SELENON: variants seen among roughly 807,000 people sequenced by gnomAD.
The protein encoded by SELENON is selenoprotein N, also known as selenoprotein N, 1.
A neutral mutation model predicts 59.5 loss-of-function variants in SELENON; 44 were observed. The ratio of observed to expected loss-of-function variants is 0.74; its 90% CI spans 0.58 to 0.95. The LOEUF (loss-of-function observed/expected upper bound fraction) is 0.95. Ranked by LOEUF, SELENON falls within the 40% of genes least tolerant of loss-of-function variation. The probability of loss-of-function intolerance (pLI) is 0.00; values close to 1 mark genes in which losing one functional copy is unlikely to be tolerated. For synonymous variants in SELENON, 320 were observed against 305.6 expected, an observed-to-expected ratio of 1.05 and a Z score of -0.49; for missense variants, 674 against 721.4, an observed-to-expected ratio of 0.93 and a Z score of 0.75.
chr1:25,815,352 C>G (rs2048001227), intron 12 of SELENON, among the ~76,000 whole-genome samples, 196 bp from the exon 12 acceptor site: 1 of 152,046 alleles, frequency 6.6e-6, no homozygotes, highest in Non-Finnish European at 1.5e-5. Context: ...GGGAGGAGCC[C>G]CCTCGTCAGA....
In SELENON at chr1:25,809,205, G is replaced by A. The variant is rs183791679; in HGVS notation, c.872+55G>A. On this transcript the variant is annotated intron_variant, in intron 6 of 12. Coordinates refer to ENST00000361547, the MANE Select transcript of SELENON (RefSeq NM_020451.3). ...CACCGGGGAGGCATGACGGTACAGC[G>A]CCCAGAGGGGAGGGCCCAGCTTGAG... 8.0e-4 allele frequency: 1,295 copies of A among 1,611,022 alleles called. 10 individuals are homozygous for A. The highest frequency in any genetic ancestry group is 1.2e-3 in the South Asian group (106 of 90,878).
chr1:25,808,959 C>G (rs529684327), intron 5 of SELENON, 67 bp from the exon 5 acceptor site: 17 of 1,610,876 alleles, frequency 1.1e-5, no homozygotes, highest in Non-Finnish European at 1.4e-5. Context: ...CTGGGCTGAC[C>G]CCCACCCCAG....
At chr1:25,805,348 T>A (rs2047896977) in intron 4 of SELENON, 73 bp downstream of exon 3, 4 of 1,602,832 alleles carry the variant, frequency 2.5e-6, no homozygotes, top group Non-Finnish European at 3.4e-6. Context: ...CATTCATCCA[T>A]CTTTCCTCTG....
In SELENON at chr1:25,805,206, C is replaced by T. The variant is rs368675892; in HGVS notation, c.468C>T (p.Leu156=). The change falls in exon 4 of 13, where the codon CTC becomes CTT. Residue 156 remains leucine, a synonymous_variant. Coordinates refer to ENST00000361547, the MANE Select transcript of SELENON (RefSeq NM_020451.3). ...CCCCTGACCCTAGCGAGGAGACGCT[C>T]ACCATAGAAGCCCGATTCCAGCCTC... 7 of 1,614,034 alleles carry T rather than the reference C, an allele frequency of 4.3e-6. No individual in the cohort carries two copies. The highest frequency in any genetic ancestry group is 5.9e-6 in the Non-Finnish European group (7 of 1,180,036).
intron 7 of SELENON, among the ~76,000 whole-genome samples, chr1:25,810,797 C>A (rs535240843): frequency 6.6e-6 from 1 of 152,320 alleles, no homozygotes; most frequent in Admixed American, 6.5e-5. Context: ...ATCTGCTCAC[C>A]TAGGGCTGGG....
intron 3 of SELENON, among the ~76,000 whole-genome samples, chr1:25,802,640 G>A (rs1438407489): frequency 1.3e-5 from 2 of 152,376 alleles, no homozygotes; most frequent in East Asian, 3.9e-4. Context: ...ACAGGCGTGA[G>A]CCACTGTGCC....
At chr1:25,804,644 GCCCCC>G (rs1242099442) in intron 3 of SELENON, among the ~76,000 whole-genome samples, 19 of 61,286 alleles carry the variant, frequency 3.1e-4, no homozygotes, top group African/African-American at 9.1e-4. Flanking sequence ...TGCCCCCCCC[GCCCCC>G]CCCCCCCCGC....
In SELENON at chr1:25,803,767, G is replaced by C. The variant is rs190401096; in HGVS notation, c.404-1375G>C. Among the ~76,000 whole-genome samples, 428 of 149,660 alleles carry C rather than the reference G, an allele frequency of 2.9e-3. 2 individuals carry two copies. Among genetic ancestry groups the C allele is most frequent in the African/African-American group, 9.7e-3 (394 of 40,472 alleles). ...CTCTGTCACCCAGGCTGGAGTGCTC[G>C]GCTCACTGCAACCTCTGCCTCCCAG... is the stretch of plus-strand genomic sequence containing the variant. On this transcript the variant is annotated intron_variant, in intron 3 of 12. Coordinates refer to ENST00000361547, the MANE Select transcript of SELENON (RefSeq NM_020451.3).
chr1:25,802,877 T>TGTAA (rs1309145006), intron 3 of SELENON, among the ~76,000 whole-genome samples: 4 of 152,178 alleles, frequency 2.6e-5, no homozygotes, highest in Non-Finnish European at 5.9e-5. Flanking sequence ...GATTGCCTGG[T>TGTAA]GTAAGTCAGT....
chr1:25,809,081 G>A lies in SELENON; in HGVS notation c.803G>A (p.Arg268His), dbSNP rs2047935562. Residue 268 changes from arginine to histidine, a missense_variant, in exon 6 of 13, where the codon CGC becomes CAC. Arg to His is a conservative substitution (Grantham distance 29). Coordinates refer to ENST00000361547, the MANE Select transcript of SELENON (RefSeq NM_020451.3). The stretch of plus-strand genomic sequence containing the variant: ...CACCCTCGGCCCTTTGTGAAGACCC[G>A]CTTTGCCCCTCAGGGAGCTGTGGCC... The A allele has an allele frequency of 5.6e-6, 9 of 1,613,818 alleles. No individual in the cohort carries two copies. The highest frequency in any genetic ancestry group is 2.2e-5 in the East Asian group (1 of 44,884).
Position 25,815,570 on chromosome 1 carries a change from A to T in SELENON, c.1625A>T (p.Tyr542Phe), listed in dbSNP as rs2048003703. 6.2e-7 allele frequency: 1 copy of T among 1,613,946 alleles called. No individual in the cohort carries two copies. Among genetic ancestry groups the T allele is most frequent in the South Asian group, 1.1e-5 (1 of 91,088 alleles). ...CAGGTCCATCACATCAATGCCAACT[A>T]CTTCTTGGACATCACCTCCGTGAAG... The change falls in exon 13 of 13, where the codon TAC (tyrosine) becomes TTC (phenylalanine). Residue 542 changes from tyrosine (Y) to phenylalanine (F), a missense_variant. Tyr to Phe is a conservative substitution (Grantham distance 22). Transcript: ENST00000361547.
At chr1:25,809,377 C>T (rs1480248018) in intron 6 of SELENON, among the ~76,000 whole-genome samples, 5 of 152,228 alleles carry the variant, frequency 3.3e-5, no homozygotes, top group Non-Finnish European at 7.3e-5. Flanking sequence ...GTGGAACTTG[C>T]TTGGCACGGG....
chr1:25,800,382 G>T lies in SELENON; in HGVS notation c.152G>T (p.Arg51Leu). 1 of 1,092,828 alleles carries T rather than the reference G, an allele frequency of 9.2e-7. No homozygotes were observed. The highest frequency in any genetic ancestry group is 1.1e-6 in the Non-Finnish European group (1 of 899,880). 67.7% of individuals were successfully genotyped at this position (1,092,828 alleles called of 1,614,324 possible). The change falls in exon 1 of 13, where the codon CGC becomes CTC. Residue 51 changes from arginine (R) to leucine (L), a missense_variant. By Grantham distance (102) the Arg-to-Leu change is moderately radical. Transcript: ENST00000361547. The stretch of plus-strand genomic sequence containing the variant: ...GCCGCCGCCGTCCGGGTCTGCGCCC[G>T]CCACGCCGAGGCCCAGGCGGCCGCG...
chr1:25,800,273 G>A lies in SELENON; in HGVS notation c.43G>A (p.Gly15Ser). 2 of 973,312 alleles carry A rather than the reference G, an allele frequency of 2.1e-6. No individual in the cohort carries two copies. The highest frequency in any genetic ancestry group is 2.4e-6 in the Non-Finnish European group (2 of 819,862). 60.3% of individuals were successfully genotyped at this position (973,312 alleles called of 1,614,324 possible). A position where few individuals can be genotyped will look rare whatever the true frequency, so the allele number is the denominator to read the frequency against. ...GGGCCAACGCGGGCCGCCCAGCCCC[G>A]GCCCCGCCGCGCAGCCTCCCGCGCC... Residue 15 changes from glycine (G) to serine (S), a missense_variant, in exon 1 of 13, where the codon GGC becomes AGC. By Grantham distance (56) the Gly-to-Ser change is moderately conservative. Transcript: ENST00000361547.
At chr1:25,815,346 G>A (rs1227677978) in intron 12 of SELENON, among the ~76,000 whole-genome samples, 1 of 151,948 alleles carries the variant, frequency 6.6e-6, no homozygotes, top group Non-Finnish European at 1.5e-5. Flanking sequence ...AAGGCAGGGA[G>A]GAGCCCCCTC....
intron 3 of SELENON, among the ~76,000 whole-genome samples, chr1:25,802,567 G>A (rs372993843): frequency 5.3e-5 from 8 of 152,136 alleles, no homozygotes; most frequent in African/African-American, 1.9e-4. Context: ...TGTTAGCTAG[G>A]CTGGTCTCGA....
intron 9 of SELENON, 57 bp from the exon 9 acceptor site, chr1:25,812,630 C>T (rs1454483867): frequency 9.0e-6 from 12 of 1,340,018 alleles, no homozygotes; most frequent in Admixed American, 5.7e-5. Flanking sequence ...AGACTCAGCC[C>T]GAGTGGGACC....
At chr1:25,813,713 T>G in intron 10 of SELENON, 168 bp from the exon 10 acceptor site, 1 of 671,474 alleles carries the variant, frequency 1.5e-6, no homozygotes, top group South Asian at 1.6e-5. Context: ...ATATTATTGA[T>G]GTTAATTCCA....
intron 4 of SELENON, 33 bp downstream of exon 3, chr1:25,805,308 T>C (rs2047896599): frequency 2.5e-6 from 4 of 1,613,540 alleles, no homozygotes; most frequent in Non-Finnish European, 3.4e-6. Context: ...TGGGGTCATC[T>C]GTGTGTATCC....
Sources: allele counts gnomAD v4.1 joint callset (sites outside exome capture counted in the v4.1 genomes callset), GRCh38; gene constraint gnomAD v4.1.1; transcripts MANE v1.5; gene names NCBI Gene and HGNC (gene_info 2026-07-23, HGNC 2026-07-21).